PATJ: variants seen among roughly 807,000 people sequenced by gnomAD.
PATJ encodes the protein inaD-like protein.
Under a neutral mutation model 224.9 loss-of-function variants are expected in PATJ, and 190 were observed. That is an observed-to-expected ratio of 0.84 (90% CI 0.75 to 0.95). The LOEUF (loss-of-function observed/expected upper bound fraction) is 0.95. Among genes scored for constraint, PATJ ranks in the 40% least tolerant of loss-of-function variants. The pLI, the probability that PATJ is intolerant of heterozygous loss-of-function variation, is 0.00. For missense variants in PATJ, 2,121 were observed against 2,270.3 expected (o/e 0.93, Z 1.34); for synonymous variants, 769 against 820.3 (o/e 0.94, Z 1.07).
intron 22 of PATJ, among the ~76,000 whole-genome samples, chr1:61,893,620 A>C (rs1233969247): frequency 1.3e-5 from 2 of 151,350 alleles, no homozygotes; most frequent in African/African-American, 4.9e-5. Context: ...GGGCAACATA[A>C]TGAGACCCCG....
In PATJ at chr1:61,806,051, A is replaced by G. The variant is rs181893478; in HGVS notation, c.1626+527A>G. ...GTTTATAGTGCCAGTGGTCCATTAG[A>G]CTTCCTTTCACCTGCTATTAGATTC... On this transcript the variant is annotated intron_variant, in intron 13 of 43. Transcript: ENST00000642238. Among the ~76,000 whole-genome samples, 54 of 152,316 alleles carry G rather than the reference A, an allele frequency of 3.5e-4. 1 individual carries two copies. Among genetic ancestry groups the G allele is most frequent in the African/African-American group, 9.1e-4 (38 of 41,568 alleles).
chr1:61,864,662 C>T, intron 20 of PATJ, 29 bp downstream of exon 20: 1 of 1,553,256 alleles, frequency 6.4e-7, no homozygotes, highest in Non-Finnish European at 8.7e-7. Context: ...TATTCCACAC[C>T]TCCCCTTCTG....
chr1:62,019,813 A>G (rs1415781707), intron 29 of PATJ, among the ~76,000 whole-genome samples: 4 of 152,138 alleles, frequency 2.6e-5, no homozygotes, highest in Non-Finnish European at 5.9e-5. Context: ...CAAGAGATTA[A>G]GATGTTGTTC....
In PATJ at chr1:61,875,236, T is replaced by C; in HGVS notation, c.2836-7T>C. 6.4e-7 allele frequency: 1 copy of C among 1,569,680 alleles called. No individual in the cohort carries two copies. The highest frequency in any genetic ancestry group is 1.4e-5 in the African/African-American group (1 of 73,526). On this transcript the variant is annotated splice_region_variant and splice_polypyrimidine_tract_variant and intron_variant, in intron 20 of 43. Transcript: ENST00000642238. ...ACTAATGCATTTCTATTTTTCTTCC[T>C]CTCAAGATGAAAGAAAATTTTGTCA... is the stretch of plus-strand genomic sequence containing the variant.
chr1:61,751,852 A>G (rs2148190914), intron 1 of PATJ, among the ~76,000 whole-genome samples: 1 of 148,138 alleles, frequency 6.8e-6, no homozygotes, highest in African/African-American at 2.5e-5. Flanking sequence ...TAATAAAATA[A>G]AAAAGGCCGG....
chr1:61,856,279 T>A, intron 18 of PATJ, 40 bp downstream of exon 18: 1 of 1,501,534 alleles, frequency 6.7e-7, no homozygotes, highest in Non-Finnish European at 9.3e-7. Flanking sequence ...GTGATAATAG[T>A]GCAACAGTTA....
At chr1:62,141,161 T>C (rs554640885) in intron 41 of PATJ, among the ~76,000 whole-genome samples, 2 of 151,450 alleles carry the variant, frequency 1.3e-5, no homozygotes, top group Middle Eastern at 3.4e-3. Flanking sequence ...GCTCCAAATA[T>C]GGCCTATAAA....
At chr1:61,907,068 T>C (rs1428496666) in intron 24 of PATJ, among the ~76,000 whole-genome samples, 3 of 152,132 alleles carry the variant, frequency 2.0e-5, no homozygotes, top group African/African-American at 7.2e-5. Context: ...AAGGAACTTT[T>C]CCCCCTTTTC....
At chr1:61,943,121 A>C (rs1028454117) in intron 27 of PATJ, among the ~76,000 whole-genome samples, 10 of 152,176 alleles carry the variant, frequency 6.6e-5, no homozygotes, top group Admixed American at 4.6e-4. Context: ...ATGCTAAGTA[A>C]AGGAAGCCTG....
intron 30 of PATJ, chr1:62,038,825 G>A (rs1356014234): frequency 7.3e-6 from 5 of 687,676 alleles, no homozygotes; most frequent in East Asian, 2.8e-5. Flanking sequence ...TCTGGGCCGG[G>A]GTGGACGGTG....
At chr1:62,064,436 C>T (rs1656059485) in intron 31 of PATJ, among the ~76,000 whole-genome samples, 1 of 151,740 alleles carries the variant, frequency 6.6e-6, no homozygotes, top group Non-Finnish European at 1.5e-5. Context: ...TCAAGCGATT[C>T]TCTTGCCTCA....
At chr1:61,926,110 T>G (rs1285443408) in intron 26 of PATJ, among the ~76,000 whole-genome samples, 1 of 152,200 alleles carries the variant, frequency 6.6e-6, no homozygotes, top group Non-Finnish European at 1.5e-5. Context: ...GGAGGCCTAC[T>G]GTGTTCCCAG....
intron 17 of PATJ, 88 bp downstream of exon 17, chr1:61,833,873 T>G: frequency 8.2e-7 from 1 of 1,213,648 alleles, no homozygotes; most frequent in Non-Finnish European, 1.1e-6. Context: ...AGACCCCTAT[T>G]GACTTAAGCA....
At chr1:62,137,317 C>T (rs888890060) in intron 41 of PATJ, among the ~76,000 whole-genome samples, 1 of 147,612 alleles carries the variant, frequency 6.8e-6, no homozygotes, top group African/African-American at 2.5e-5. Context: ...GAGGGAGAAC[C>T]CTGTTGGAGA....
intron 35 of PATJ, 76 bp downstream of exon 35, chr1:62,114,322 A>T (rs1000242394): frequency 3.1e-6 from 4 of 1,276,418 alleles, no homozygotes; most frequent in Admixed American, 2.3e-5. Context: ...TGAAAGAGAA[A>T]GCCTAATGTA....
chr1:61,965,932 C>T (rs769722122), intron 27 of PATJ, among the ~76,000 whole-genome samples: 21 of 152,306 alleles, frequency 1.4e-4, no homozygotes, highest in East Asian at 9.6e-4. Flanking sequence ...GGTGGAGCCT[C>T]GCTCTGTCTC....
Position 61,961,988 on chromosome 1 carries a change from A to G in PATJ, c.3671-28180A>G, listed in dbSNP as rs61775618. 8.5e-4 allele frequency among the ~76,000 whole-genome samples: 128 copies of G among 151,454 alleles called. 1 individual carries two copies. Among genetic ancestry groups the G allele is most frequent in the African/African-American group, 2.8e-3 (116 of 41,292 alleles). On this transcript the variant is annotated intron_variant, in intron 27 of 43. Coordinates refer to ENST00000642238, the MANE Select transcript of PATJ (RefSeq NM_001350145.3). ...CCGTCTTAGAAAAAAAAAAAAAAGA[A>G]AGAAAAGAAATGTGAATACGGAAGT...
At chr1:61,976,156 G>A (rs1291232181) in intron 27 of PATJ, among the ~76,000 whole-genome samples, 1 of 151,872 alleles carries the variant, frequency 6.6e-6, no homozygotes, top group Non-Finnish European at 1.5e-5. Context: ...TTCCAAAAGG[G>A]CTGAGGAAGG....
chr1:61,846,410 T>TC (rs1661962529), intron 17 of PATJ, among the ~76,000 whole-genome samples: 1 of 152,250 alleles, frequency 6.6e-6, no homozygotes, highest in Admixed American at 6.5e-5. Flanking sequence ...GTCTGTACTT[T>TC]CCCTGCATCA....
Sources: gnomAD v4.1 joint callset for allele counts (sites outside exome capture counted in the v4.1 genomes callset) on GRCh38, gnomAD v4.1.1 for gene constraint, MANE v1.5 for transcripts, NCBI Gene and HGNC (gene_info 2026-07-23, HGNC 2026-07-21) for gene names.